EXOC6B: variants seen among roughly 807,000 people sequenced by gnomAD.
The protein encoded by EXOC6B is SEC15 homolog B.
In EXOC6B, 54 loss-of-function variants were observed where a neutral mutation model predicts 113.5. That is an observed-to-expected ratio of 0.48 (90% CI 0.38 to 0.60). The LOEUF is 0.60. Among genes scored for constraint, EXOC6B ranks in the 20% least tolerant of loss-of-function variants. The pLI is 0.00. For missense variants in EXOC6B, 797 were observed against 977.5 expected, an observed-to-expected ratio of 0.82 and a Z score of 2.46; for synonymous variants, 357 against 339.0, an observed-to-expected ratio of 1.05 and a Z score of -0.58.
intron 17 of EXOC6B, among the ~76,000 whole-genome samples, chr2:72,468,508 G>A (rs1456021131): frequency 6.6e-6 from 1 of 152,140 alleles, no homozygotes; most frequent in African/African-American, 2.4e-5. Flanking sequence ...TGGTCTGTAT[G>A]TTTTTACGCC....
At chr2:72,417,130 AACAT>A (rs1694573184) in intron 18 of EXOC6B, among the ~76,000 whole-genome samples, 1 of 152,226 alleles carries the variant, frequency 6.6e-6, no homozygotes, top group South Asian at 2.1e-4. Flanking sequence ...ATAATAAAAT[AACAT>A]ACAACTCATA....
intron 6 of EXOC6B, among the ~76,000 whole-genome samples, chr2:72,677,012 A>G (rs1676360017): frequency 6.6e-6 from 1 of 152,216 alleles, no homozygotes; most frequent in South Asian, 2.1e-4. Flanking sequence ...TTGGACCCAA[A>G]TGAGCCAGAA....
intron 1 of EXOC6B, among the ~76,000 whole-genome samples, chr2:72,823,919 G>A (rs1370630832): frequency 6.6e-6 from 1 of 152,244 alleles, no homozygotes; most frequent in African/African-American, 2.4e-5. Flanking sequence ...GTAATCTAGA[G>A]ATGATTTGAA....
At chr2:72,498,289 G>T (rs1358457166) in intron 13 of EXOC6B, among the ~76,000 whole-genome samples, 165 bp downstream of exon 13, 1 of 152,138 alleles carries the variant, frequency 6.6e-6, no homozygotes, top group South Asian at 2.1e-4. Flanking sequence ...AATTTTGGAC[G>T]TTCTAACAGT....
At chr2:72,404,971 C>T (rs540578112) in intron 18 of EXOC6B, among the ~76,000 whole-genome samples, 4 of 152,174 alleles carry the variant, frequency 2.6e-5, no homozygotes, top group East Asian at 1.9e-4. Flanking sequence ...AAAAAATAGA[C>T]GAATGGCTAA....
intron 6 of EXOC6B, among the ~76,000 whole-genome samples, chr2:72,618,295 G>T (rs1671528410): frequency 1.3e-5 from 2 of 152,122 alleles, no homozygotes; most frequent in South Asian, 4.1e-4. Flanking sequence ...TTTGAACCCA[G>T]GAGGCGGAGG....
intron 1 of EXOC6B, among the ~76,000 whole-genome samples, chr2:72,813,597 C>A (rs1686044057): frequency 1.3e-5 from 2 of 152,112 alleles, no homozygotes; most frequent in South Asian, 4.1e-4. Context: ...AAATACTTGG[C>A]TAGCTGCATT....
At position 72,417,010 on chromosome 2, in the gene EXOC6B, T is replaced by C. The variant is rs1278901776; in HGVS notation, c.1981-37140A>G. Among the ~76,000 whole-genome samples the C allele has an allele frequency of 2.6e-5, 4 of 152,226 alleles. No homozygotes were observed. In the East Asian group the frequency reaches 7.7e-4, roughly 29 times the overall value. Reference sequence around the variant, plus strand: ...AAGTTTTATCATAGGAACCACCTTCTGTCCATCCCCAAAATCAATGTCATA... The same window carrying C: ...AAGTTTTATCATAGGAACCACCTTCCGTCCATCCCCAAAATCAATGTCATA... On this transcript the variant is annotated intron_variant, in intron 18 of 21. Transcript: ENST00000272427.
chr2:72,718,180 A>G lies in EXOC6B; in HGVS notation c.592T>C (p.Ser198Pro), dbSNP rs757108410. Residue 198 changes from serine (S) to proline (P), a missense_variant, in exon 6 of 22, where the codon TCT becomes CCT. Ser to Pro is a moderately conservative substitution (Grantham distance 74). Coordinates refer to ENST00000272427, the MANE Select transcript of EXOC6B (RefSeq NM_015189.3). ...PKLREEIKDVSMSDLKDFLES... is the reference protein window; with the variant it reads ...PKLREEIKDVPMSDLKDFLES... Reference sequence around the variant, plus strand: ...AGAAAGTCTTTGAGATCGGACATAGAAACATCTTTTATTTCTTCTCGAAGC... The same window carrying G: ...AGAAAGTCTTTGAGATCGGACATAGGAACATCTTTTATTTCTTCTCGAAGC... The G allele has an allele frequency of 3.1e-6, 5 of 1,613,850 alleles. No individual in the cohort carries two copies. The highest frequency in any genetic ancestry group is 8.5e-7 in the Non-Finnish European group (1 of 1,179,802).
At chr2:72,529,964 A>G (rs550244679) in intron 8 of EXOC6B, among the ~76,000 whole-genome samples, 153 of 152,214 alleles carry the variant, frequency 1.0e-3, no homozygotes, top group African/African-American at 3.6e-3. Flanking sequence ...TAGTGTCTCT[A>G]TTGATATTCC....
At chr2:72,725,426 C>G (rs939901282) in intron 5 of EXOC6B, among the ~76,000 whole-genome samples, 18 of 152,170 alleles carry the variant, frequency 1.2e-4, no homozygotes, top group African/African-American at 3.6e-4. Context: ...GACTCTCACT[C>G]TGTCGCCCAG....
In EXOC6B at chr2:72,581,066, A is replaced by G. The variant is rs1295299173; in HGVS notation, c.670-5398T>C. On this transcript the variant is annotated intron_variant, in intron 6 of 21. Transcript: ENST00000272427. ...GCTAAGAGAAACCAAAGCTACAATA[A>G]CATCCCATCAACAATACAGTAAAGT... Among the ~76,000 whole-genome samples the G allele has an allele frequency of 2.0e-5, 3 of 152,210 alleles. 1 individual carries two copies. Among genetic ancestry groups the G allele is most frequent in the Non-Finnish European group, 4.4e-5 (3 of 68,030 alleles).
At chr2:72,769,837 A>G (rs1683308031) in intron 1 of EXOC6B, among the ~76,000 whole-genome samples, 1 of 152,138 alleles carries the variant, frequency 6.6e-6, no homozygotes, top group Non-Finnish European at 1.5e-5. Context: ...TAAAATAGAA[A>G]GAAGAAGAGT....
intron 6 of EXOC6B, among the ~76,000 whole-genome samples, chr2:72,666,354 C>T (rs148232787): frequency 2.0e-5 from 3 of 152,120 alleles, no homozygotes; most frequent in Non-Finnish European, 2.9e-5. Context: ...TCTTCTCATA[C>T]GCACATGGAA....
chr2:72,782,350 C>A (rs943558542), intron 1 of EXOC6B, among the ~76,000 whole-genome samples: 2 of 151,958 alleles, frequency 1.3e-5, no homozygotes, highest in African/African-American at 4.8e-5. Context: ...CTCATAATTT[C>A]TTTTTGGCTT....
chr2:72,753,108 A>G (rs1281668055), intron 1 of EXOC6B, among the ~76,000 whole-genome samples: 1 of 152,132 alleles, frequency 6.6e-6, no homozygotes, highest in African/African-American at 2.4e-5. Context: ...CAAACCGTGC[A>G]TGTCAAAAAC....
At chr2:72,435,583 G>C (rs367769712) in intron 18 of EXOC6B, among the ~76,000 whole-genome samples, 2 of 152,118 alleles carry the variant, frequency 1.3e-5, no homozygotes, top group Non-Finnish European at 2.9e-5. Context: ...ATGAATCTGG[G>C]TGCTCCTGTA....
At position 72,193,130 on chromosome 2, in the gene EXOC6B, C is replaced by G. The variant is rs536336956; in HGVS notation, c.2197-8943G>C. Among the ~76,000 whole-genome samples, 7 of 152,122 alleles carry G rather than the reference C, an allele frequency of 4.6e-5. No individual in the cohort carries two copies. In the South Asian group the frequency reaches 1.0e-3, roughly 23 times the overall value. ...ATCCACATCTGCCTTTTTTTGGAGGCAGTAGAGCACAGCAAAAAGAGTTCC... is the reference window on the plus strand; with the variant it reads ...ATCCACATCTGCCTTTTTTTGGAGGGAGTAGAGCACAGCAAAAAGAGTTCC... On this transcript the variant is annotated intron_variant, in intron 20 of 21. Coordinates refer to ENST00000272427, the MANE Select transcript of EXOC6B (RefSeq NM_015189.3).
At position 72,242,908 on chromosome 2, in the gene EXOC6B, T is replaced by A. The variant is rs986195266; in HGVS notation, c.2197-58721A>T. 2.6e-4 allele frequency among the ~76,000 whole-genome samples: 39 copies of A among 152,094 alleles called. 1 individual carries two copies. The highest frequency in any genetic ancestry group is 6.8e-3 in the Middle Eastern group (2 of 294). ...CTACCACGCCTTGCTAATATTTAAA[T>A]TTTTTTTGTAGAGATGGGGTCTCAC... On this transcript the variant is annotated intron_variant, in intron 20 of 21. Coordinates refer to ENST00000272427, the MANE Select transcript of EXOC6B (RefSeq NM_015189.3).
Sources: allele counts gnomAD v4.1 joint callset (sites outside exome capture counted in the v4.1 genomes callset), GRCh38; gene constraint gnomAD v4.1.1; transcripts MANE v1.5; gene names NCBI Gene and HGNC (gene_info 2026-07-23, HGNC 2026-07-21).